Variants in RAB11B observed in about 807,000 individuals in gnomAD.
The protein encoded by RAB11B is RAB11B, member RAS oncogene family.
In RAB11B, 7 loss-of-function variants were observed where a neutral mutation model predicts 23.7. That is an observed-to-expected ratio of 0.29 (90% CI 0.17 to 0.55). RAB11B has a LOEUF of 0.55. Among genes scored for constraint, RAB11B ranks in the 20% least tolerant of loss-of-function variants. RAB11B has a pLI of 0.93. For missense variants in RAB11B, 189 were observed against 320.0 expected (o/e 0.59, Z 3.12); for synonymous variants, 138 against 132.0 (o/e 1.05, Z -0.31).
intron 1 of RAB11B, among the ~76,000 whole-genome samples, chr19:8,395,454 A>G (rs1971389788): frequency 6.6e-6 from 1 of 151,762 alleles, no homozygotes; most frequent in Non-Finnish European, 1.5e-5. Flanking sequence ...TCACCATGTT[A>G]GTCAGGTTGG....
At chr19:8,401,956 G>A (rs537428445) in intron 2 of RAB11B, 130 bp from the exon 3 acceptor site, 43 of 885,696 alleles carry the variant, frequency 4.9e-5, no homozygotes, top group Middle Eastern at 6.8e-4. Flanking sequence ...CTTCCCTTGA[G>A]GCCACAATGA....
chr19:8,399,305 CTCG>C (rs1469856067), intron 1 of RAB11B, among the ~76,000 whole-genome samples: 3 of 152,164 alleles, frequency 2.0e-5, no homozygotes, highest in African/African-American at 7.2e-5. Context: ...CCAGGCTGGT[CTCG>C]AACTCCCGAC....
chr19:8,394,790 C>G (rs1051834875), intron 1 of RAB11B, among the ~76,000 whole-genome samples: 5 of 152,172 alleles, frequency 3.3e-5, no homozygotes, highest in Non-Finnish European at 7.3e-5. Flanking sequence ...ATTATCTGGG[C>G]GTCGTGGTGC....
At chr19:8,402,347 G>T in intron 3 of RAB11B, 68 bp downstream of exon 3, 1 of 1,528,106 alleles carries the variant, frequency 6.5e-7, no homozygotes, top group Non-Finnish European at 8.8e-7. Flanking sequence ...CAGTGTTGGG[G>T]CCCTGGCCAC....
intron 1 of RAB11B, among the ~76,000 whole-genome samples, chr19:8,394,088 T>C (rs977989812): frequency 2.0e-5 from 3 of 152,206 alleles, no homozygotes; most frequent in Non-Finnish European, 4.4e-5. Context: ...CCAGCCTGCA[T>C]CCTGGACCAG....
chr19:8,390,548 C>T, intron 1 of RAB11B, 92 bp downstream of exon 1: 1 of 1,276,446 alleles, frequency 7.8e-7, no homozygotes, highest in South Asian at 2.7e-5. Context: ...TGGGCCCAGG[C>T]CGGAGCCCGG....
In RAB11B at chr19:8,399,754, A is replaced by G. The variant is rs1246023124; in HGVS notation, c.41-109A>G. ...GCTCCAGGCATCTCTCGACTCCTCC[A>G]CACCGTTGGCAGCCGCGTTGGTGCA... On this transcript the variant is annotated intron_variant, in intron 1 of 4. Coordinates refer to ENST00000328024, the MANE Select transcript of RAB11B (RefSeq NM_004218.4). 5 of 1,285,594 alleles carry G rather than the reference A, an allele frequency of 3.9e-6. No individual in the cohort carries two copies. In the African/African-American group the frequency reaches 7.3e-5, roughly 19 times the overall value. 79.6% of individuals were successfully genotyped at this position (1,285,594 alleles called of 1,614,324 possible).
chr19:8,399,745 G>A (rs538833845), intron 1 of RAB11B, 118 bp from the exon 2 acceptor site: 11 of 1,163,314 alleles, frequency 9.5e-6, no homozygotes, highest in South Asian at 2.9e-5. Context: ...GGCATCTCTC[G>A]ACTCCTCCAC....
chr19:8,396,957 G>T lies in RAB11B; in HGVS notation c.41-2906G>T, dbSNP rs773778843. Among the ~76,000 whole-genome samples the T allele has an allele frequency of 6.6e-6, 1 of 152,206 alleles. No individual in the cohort carries two copies. Among genetic ancestry groups the T allele is most frequent in the African/African-American group, 2.4e-5 (1 of 41,452 alleles). On this transcript the variant is annotated intron_variant, in intron 1 of 4. Coordinates refer to ENST00000328024, the MANE Select transcript of RAB11B (RefSeq NM_004218.4). This position sits in a 1 kb window ranked among gnomAD's most constrained non-coding sequence, Gnocchi z 5.0. Reference sequence around the variant, plus strand: ...GGGTCTGAGAGTCTGGAATGGAATCGCCCAGGGAGACATGGTGGGGTGCAC... The same window carrying T: ...GGGTCTGAGAGTCTGGAATGGAATCTCCCAGGGAGACATGGTGGGGTGCAC...
At chr19:8,392,333 G>T (rs1226314864) in intron 1 of RAB11B, among the ~76,000 whole-genome samples, 2 of 152,174 alleles carry the variant, frequency 1.3e-5, no homozygotes, top group Admixed American at 6.5e-5. Flanking sequence ...GTTCCCAGCA[G>T]AACAGTTACT....
rs961558991 is a variant in RAB11B, at chr19:8,401,626, C to T, written c.237-460C>T. 2.7e-4 allele frequency among the ~76,000 whole-genome samples: 41 copies of T among 152,080 alleles called. 1 individual carries two copies. Among genetic ancestry groups the T allele is most frequent in the African/African-American group, 9.9e-4 (41 of 41,394 alleles). ...GATCTTGAATTCCTGACCTCGTGAT[C>T]CACCTGCCTCGGCTTCCCAAAGTGC... On this transcript the variant is annotated intron_variant, in intron 2 of 4. Coordinates refer to ENST00000328024, the MANE Select transcript of RAB11B (RefSeq NM_004218.4).
At chr19:8,400,079 C>A (rs1423138330) in intron 2 of RAB11B, 21 bp downstream of exon 2, 2 of 1,603,872 alleles carry the variant, frequency 1.2e-6, no homozygotes, top group Admixed American at 1.7e-5. Flanking sequence ...GCAGCCTGGG[C>A]AGGGACGCTG....
At position 8,403,534 on chromosome 19, in the gene RAB11B, G is replaced by A. The variant is rs201317556; in HGVS notation, c.633G>A (p.Lys211=). Reference sequence around the variant, plus strand: ...CCACGGACGGACAGAAGCCCAACAAGCTGCAGTGCTGCCAGAACCTGTGAC... The same window carrying A: ...CCACGGACGGACAGAAGCCCAACAAACTGCAGTGCTGCCAGAACCTGTGAC... ...PPTTDGQKPN[K]LQCCQNL The change falls in exon 5 of 5, where the codon AAG becomes AAA. Residue 211 remains lysine (K), a synonymous_variant. Coordinates refer to ENST00000328024, the MANE Select transcript of RAB11B (RefSeq NM_004218.4). 6.2e-7 allele frequency: 1 copy of A among 1,613,660 alleles called. No individual in the cohort carries two copies. The highest frequency in any genetic ancestry group is 2.2e-5 in the East Asian group (1 of 44,852).
rs1378562464 is a variant in RAB11B at position 8,403,682 on chromosome 19, G to A, written c.*124G>A. The stretch of plus-strand genomic sequence containing the variant: ...CCAGCCCTCCCAGTGAGCTCTGCAC[G>A]GCCGGGCCGGGGCCCAGGAAGGACA... On this transcript the variant is annotated 3_prime_UTR_variant, in exon 5 of 5. Transcript: ENST00000328024. The A allele has an allele frequency of 2.0e-5, 27 of 1,351,302 alleles. No homozygotes were observed. The highest frequency in any genetic ancestry group is 4.3e-5 in the South Asian group (3 of 69,196). 83.7% of individuals were successfully genotyped at this position (1,351,302 alleles called of 1,614,324 possible). A position where few individuals can be genotyped will look rare whatever the true frequency, so the allele number is the denominator to read the frequency against.
rs1971425045 is a variant in RAB11B, at chr19:8,399,973, C to T, written c.151C>T (p.Arg51Cys). The T allele has an allele frequency of 2.5e-6, 4 of 1,614,216 alleles. No homozygotes were observed. Among genetic ancestry groups the T allele is most frequent in the Non-Finnish European group, 3.4e-6 (4 of 1,180,024 alleles). ...CACCATCGGCGTGGAGTTCGCCACC[C>T]GCAGCATCCAGGTGGACGGCAAGAC... ...KSTIGVEFATRSIQVDGKTIK... is the reference protein window; with the variant it reads ...KSTIGVEFATCSIQVDGKTIK... The change falls in exon 2 of 5, where the codon CGC (arginine) becomes TGC (cysteine). Residue 51 changes from arginine to cysteine, a missense_variant. This residue lies in a region of RAB11B where 28 missense variants were observed against 43.1 expected (regional missense o/e 0.65). Transcript: ENST00000328024.
intron 1 of RAB11B, among the ~76,000 whole-genome samples, chr19:8,399,425 C>T (rs1018013038): frequency 2.0e-5 from 3 of 152,336 alleles, no homozygotes; most frequent in Admixed American, 2.0e-4. Flanking sequence ...GACTGCCTTC[C>T]TGTTCACACA....
Position 8,402,153 on chromosome 19 carries a change from G to T in RAB11B, c.304G>T (p.Val102Leu). Residue 102 changes from valine to leucine, a missense_variant, in exon 3 of 5, where the codon GTG becomes TTG. Physicochemically the swap from Val to Leu is conservative, Grantham distance 32 (BLOSUM62 1). This residue lies in a region of RAB11B where 122 missense variants were observed against 170.8 expected (regional missense o/e 0.71). Transcript: ENST00000328024. ...CGCCAAGCACCTGACCTATGAGAAC[G>T]TGGAGCGCTGGCTGAAGGAGCTGCG... ...DIAKHLTYEN[V>L]ERWLKELRDH... is the part of the protein sequence containing the mutation. 6.2e-7 allele frequency: 1 copy of T among 1,607,944 alleles called. No homozygotes were observed. Among genetic ancestry groups the T allele is most frequent in the Non-Finnish European group, 8.5e-7 (1 of 1,177,280 alleles).
In RAB11B at chr19:8,403,535, C is replaced by A. The variant is rs747256929; in HGVS notation, c.634C>A (p.Leu212Met). 18 of 1,613,518 alleles carry A rather than the reference C, an allele frequency of 1.1e-5. No individual in the cohort carries two copies. Among genetic ancestry groups the A allele is most frequent in the African/African-American group, 5.3e-5 (4 of 74,920 alleles). ...PTTDGQKPNKLQCCQNL is the reference protein window; with the variant it reads ...PTTDGQKPNKMQCCQNL ...CACGGACGGACAGAAGCCCAACAAG[C>A]TGCAGTGCTGCCAGAACCTGTGACC... The change falls in exon 5 of 5, where the codon CTG (leucine) becomes ATG (methionine). Residue 212 changes from leucine (L) to methionine (M), a missense_variant. Leu to Met is a conservative substitution (Grantham distance 15). Around this residue, in one of 5 missense-constraint regions of RAB11B, gnomAD observed 122 missense variants for 170.8 expected, o/e 0.71. Transcript: ENST00000328024.
chr19:8,390,969 C>T (rs1334101724), intron 1 of RAB11B, among the ~76,000 whole-genome samples: 2 of 104,894 alleles, frequency 1.9e-5, no homozygotes, highest in Admixed American at 9.6e-5. Context: ...GCGGGGCAGG[C>T]AATGGGGGCT....
Sources: gnomAD v4.1 joint callset for allele counts (sites outside exome capture counted in the v4.1 genomes callset) on GRCh38, gnomAD v4.1.1 for gene constraint, gnomAD v4.1.1 regional missense constraint, Gnocchi (gnomAD v3.1) non-coding constraint, MANE v1.5 for transcripts, NCBI Gene and HGNC (gene_info 2026-07-23, HGNC 2026-07-21) for gene names.